Variants in DOCK7 observed in about 807,000 individuals in gnomAD.
The protein encoded by DOCK7 is dedicator of cytokinesis 7, also known as dedicator of cytokinesis protein 7.
In DOCK7, 138 loss-of-function variants were observed where a neutral mutation model predicts 271.0. The ratio of observed to expected loss-of-function variants is 0.51; its 90% CI spans 0.44 to 0.59. The LOEUF is 0.59. DOCK7 is among the 20% of genes least tolerant of loss of function. The pLI is 0.00. For synonymous variants in DOCK7, 823 were observed against 876.1 expected (o/e 0.94, Z 1.07); for missense variants, 2,066 against 2,592.4 (o/e 0.80, Z 4.41).
At chr1:62,457,057 C>T (rs1414274032) in intron 49 of DOCK7, among the ~76,000 whole-genome samples, 1 of 152,140 alleles carries the variant, frequency 6.6e-6, no homozygotes, top group African/African-American at 2.4e-5. Flanking sequence ...TTAATCTCCA[C>T]AAAAACCTCT....
chr1:62,565,635 C>T (rs1399197299), intron 18 of DOCK7, among the ~76,000 whole-genome samples: 1 of 152,178 alleles, frequency 6.6e-6, no homozygotes, highest in Non-Finnish European at 1.5e-5. Context: ...GAAGCATCCC[C>T]TTTGAAAACT....
chr1:62,657,327 C>T lies in DOCK7; in HGVS notation c.145-3168G>A, dbSNP rs368385439. ...CAGTAAGTAACAAGGAGTCCTTCCC[C>T]TCCTTGTGTACCAAAAGAAGACAAG... On this transcript the variant is annotated intron_variant, in intron 2 of 49. Coordinates refer to ENST00000635253, the MANE Select transcript of DOCK7 (RefSeq NM_001367561.1). Among the ~76,000 whole-genome samples the T allele has an allele frequency of 2.6e-4, 39 of 152,322 alleles. No individual in the cohort carries two copies. In the East Asian group the frequency reaches 6.4e-3, roughly 25 times the overall value.
intron 2 of DOCK7, among the ~76,000 whole-genome samples, chr1:62,655,686 C>T (rs954891068): frequency 6.6e-6 from 1 of 152,124 alleles, no homozygotes; most frequent in Non-Finnish European, 1.5e-5. Context: ...TTCGGCCTCC[C>T]GAAGTGCTGG....
At chr1:62,642,244 G>A (rs1357830995) in intron 7 of DOCK7, among the ~76,000 whole-genome samples, 1 of 151,874 alleles carries the variant, frequency 6.6e-6, no homozygotes. Flanking sequence ...GAGTAGCTGG[G>A]ATTACAGATG....
At chr1:62,590,428 T>C (rs1476809393) in intron 14 of DOCK7, among the ~76,000 whole-genome samples, 1 of 152,104 alleles carries the variant, frequency 6.6e-6, no homozygotes, top group African/African-American at 2.4e-5. Context: ...AAGAACAGAA[T>C]CCAAAGCACA....
rs575290141 is a variant in DOCK7 at position 62,624,239 on chromosome 1, A to AGG, written c.1425+1018_1425+1019dup. On this transcript the variant is annotated intron_variant, in intron 12 of 49. Coordinates refer to ENST00000635253, the MANE Select transcript of DOCK7 (RefSeq NM_001367561.1). Reference sequence around the variant, plus strand: ...ATGTGTACACTCATACAAAAGGGGGAGGGGGGGAACGACTCCCTAAAGCAA... The same window carrying AGG: ...ATGTGTACACTCATACAAAAGGGGGAGGGGGGGGGAACGACTCCCTAAAGCAA... Among the ~76,000 whole-genome samples, 218 of 151,810 alleles carry AGG rather than the reference A, an allele frequency of 1.4e-3. 4 individuals carry two copies. Among genetic ancestry groups the AGG allele is most frequent in the African/African-American group, 4.8e-3 (200 of 41,368 alleles).
At chr1:62,563,858 C>T (rs978950622) in intron 18 of DOCK7, among the ~76,000 whole-genome samples, 2 of 37,308 alleles carry the variant, frequency 5.4e-5, no homozygotes, top group African/African-American at 2.5e-4. Flanking sequence ...GGAATATTTA[C>T]CAAGCAAAAA....
intron 1 of DOCK7, among the ~76,000 whole-genome samples, chr1:62,670,101 T>C (rs1047281936): frequency 2.6e-5 from 4 of 151,528 alleles, no homozygotes; most frequent in African/African-American, 9.8e-5. Flanking sequence ...GCTCGATTTC[T>C]CGCCGGGCCT....
At chr1:62,488,662 C>G in intron 42 of DOCK7, 1 of 387,780 alleles carries the variant, frequency 2.6e-6, no homozygotes, top group East Asian at 5.9e-5. Context: ...AACAGAAAAT[C>G]ACAATTTTTA....
chr1:62,475,384 C>T (rs1645939123), intron 46 of DOCK7, 33 bp from the exon 47 acceptor site: 2 of 1,597,628 alleles, frequency 1.3e-6, no homozygotes, highest in African/African-American at 1.4e-5. Context: ...AATCAGTGTA[C>T]TGACTGAAAA....
intron 33 of DOCK7, chr1:62,511,280 A>G (rs1644476755): frequency 6.6e-6 from 1 of 152,212 alleles, no homozygotes; most frequent in African/African-American, 2.4e-5. Context: ...GTCTAGGCTG[A>G]TAAAGTGGTT....
intron 14 of DOCK7, among the ~76,000 whole-genome samples, chr1:62,616,246 G>A (rs957937246): frequency 7.3e-5 from 11 of 151,504 alleles, no homozygotes; most frequent in Non-Finnish European, 1.0e-4. Context: ...TGGTATGAGC[G>A]CATTACTCAA....
intron 29 of DOCK7, among the ~76,000 whole-genome samples, chr1:62,532,389 A>G (rs867744419): frequency 6.6e-6 from 1 of 151,966 alleles, no homozygotes; most frequent in Non-Finnish European, 1.5e-5. Flanking sequence ...CCCAGGCTGG[A>G]ATACAGTGGT....
At chr1:62,459,342 A>C (rs957572321) in intron 48 of DOCK7, 1 of 151,762 alleles carries the variant, frequency 6.6e-6, no homozygotes, top group Non-Finnish European at 1.5e-5. Context: ...CCTGGGTTCA[A>C]GTGATTCTCG....
chr1:62,629,195 T>C (rs1171747187), intron 11 of DOCK7: 2 of 152,190 alleles, frequency 1.3e-5, no homozygotes, highest in Non-Finnish European at 2.9e-5. Flanking sequence ...CTTCAAAAGA[T>C]TAAGCACAGA....
chr1:62,609,132 T>C (rs898779644), intron 14 of DOCK7: 1 of 152,300 alleles, frequency 6.6e-6, no homozygotes, highest in South Asian at 2.1e-4. Context: ...TCCAAAGTAT[T>C]ATCATGGCAA....
rs568816995 is a variant in DOCK7, at chr1:62,625,007, G to A, written c.1425+252C>T. On this transcript the variant is annotated intron_variant, in intron 12 of 49. Transcript: ENST00000635253. ...ACAAAAAAAAACAGGATACAGGTAT[G>A]AAAGATGGATTTTGATGCATTATTA... is the stretch of plus-strand genomic sequence containing the variant. The A allele has an allele frequency of 4.7e-4, 144 of 306,006 alleles. 2 individuals are homozygous for A. The highest frequency in any genetic ancestry group is 3.0e-3 in the African/African-American group (140 of 46,086). The allele number at this position is 306,006 out of a possible 1,614,324, so 19.0% of individuals were successfully genotyped here.
chr1:62,487,244 C>A (rs1314746045), intron 43 of DOCK7, 154 bp downstream of exon 43: 3 of 654,964 alleles, frequency 4.6e-6, no homozygotes, highest in Non-Finnish European at 5.2e-6. Context: ...AAATAACTTA[C>A]AATATTTTAA....
intron 11 of DOCK7, chr1:62,628,956 C>T (rs1186494841): frequency 6.6e-6 from 1 of 152,142 alleles, no homozygotes. Context: ...AAGAAAGATA[C>T]ACAAATAGCC....
Sources: gnomAD v4.1 joint callset for allele counts (sites outside exome capture counted in the v4.1 genomes callset) on GRCh38, gnomAD v4.1.1 for gene constraint, MANE v1.5 for transcripts, NCBI Gene and HGNC (gene_info 2026-07-23, HGNC 2026-07-21) for gene names.